PALLD: variants seen among roughly 807,000 people sequenced by gnomAD.
PALLD encodes the protein palladin, cytoskeletal associated protein, also known as palladin.
PALLD carries 61 observed loss-of-function variants against 123.5 expected under a neutral mutation model. The observed-to-expected ratio is 0.49, with a 90% CI of 0.40 to 0.61. The LOEUF is 0.61. Ranked by LOEUF, PALLD falls within the 20% of genes least tolerant of loss-of-function variation. The pLI, the probability that PALLD is intolerant of heterozygous loss-of-function variation, is 0.00. For missense variants in PALLD, 1,273 were observed against 1,377.0 expected (o/e 0.92, Z 1.20); for synonymous variants, 465 against 496.4 (o/e 0.94, Z 0.84).
At chr4:168,887,190 T>C (rs1753491526) in intron 10 of PALLD, among the ~76,000 whole-genome samples, 1 of 151,612 alleles carries the variant, frequency 6.6e-6, no homozygotes, top group African/African-American at 2.4e-5. Flanking sequence ...ATTGTAATTA[T>C]ACCCTTTGAA....
At chr4:168,628,662 G>T (rs771365664) in intron 2 of PALLD, among the ~76,000 whole-genome samples, 3 of 152,092 alleles carry the variant, frequency 2.0e-5, no homozygotes, top group Non-Finnish European at 2.9e-5. Context: ...TGGCCGCTCC[G>T]TTTTAAATTA....
chr4:168,600,939 A>C (rs1356801364), intron 2 of PALLD, among the ~76,000 whole-genome samples: 2 of 152,174 alleles, frequency 1.3e-5, no homozygotes, highest in African/African-American at 4.8e-5. Context: ...TGCAATGTCA[A>C]CTTTGCCTGG....
At chr4:168,777,183 C>T (rs1735282051) in intron 10 of PALLD, among the ~76,000 whole-genome samples, 1 of 152,070 alleles carries the variant, frequency 6.6e-6, no homozygotes, top group African/African-American at 2.4e-5. Flanking sequence ...GAGAGACAGG[C>T]CACAGGACTT....
Position 168,691,800 on chromosome 4 carries a change from A to T in PALLD, c.1501+508A>T, listed in dbSNP as rs927694652. Among the ~76,000 whole-genome samples the T allele has an allele frequency of 2.0e-5, 3 of 152,166 alleles. No individual in the cohort carries two copies. In the East Asian group the frequency reaches 5.8e-4, roughly 29 times the overall value. On this transcript the variant is annotated intron_variant, in intron 8 of 21. Transcript: ENST00000505667. The stretch of plus-strand genomic sequence containing the variant: ...TTTACTATTCTGCAAGCATGAAGAA[A>T]GTCATCTTGCCCCCAGATCACTCTT...
intron 2 of PALLD, among the ~76,000 whole-genome samples, chr4:168,552,813 C>T (rs1378633156): frequency 6.6e-6 from 1 of 151,984 alleles, no homozygotes; most frequent in African/African-American, 2.4e-5. Flanking sequence ...GTAGCTGAGA[C>T]TACAGGCGCG....
intron 2 of PALLD, among the ~76,000 whole-genome samples, chr4:168,659,348 T>C (rs1778911378): frequency 6.6e-6 from 1 of 152,204 alleles, no homozygotes; most frequent in African/African-American, 2.4e-5. Context: ...TATTATACCA[T>C]TACAGAAACT....
chr4:168,878,865 C>G (rs551248205), intron 10 of PALLD, among the ~76,000 whole-genome samples: 3 of 152,280 alleles, frequency 2.0e-5, no homozygotes, highest in Admixed American at 1.3e-4. Flanking sequence ...AATCCATGCT[C>G]TCACCACCAA....
intron 2 of PALLD, among the ~76,000 whole-genome samples, chr4:168,622,474 A>G (rs1440019208): frequency 1.3e-5 from 2 of 152,188 alleles, no homozygotes; most frequent in Admixed American, 6.5e-5. Flanking sequence ...AGAAGAAAAC[A>G]TTCTCCTGAA....
intron 8 of PALLD, among the ~76,000 whole-genome samples, chr4:168,693,398 T>C (rs867919325): frequency 6.6e-6 from 1 of 152,222 alleles, no homozygotes; most frequent in African/African-American, 2.4e-5. Context: ...CCTAAACAGC[T>C]TCATGGAATC....
chr4:168,670,238 T>A (rs1205204219), intron 3 of PALLD, among the ~76,000 whole-genome samples: 1 of 152,162 alleles, frequency 6.6e-6, no homozygotes, highest in East Asian at 1.9e-4. Flanking sequence ...ATATGATAAA[T>A]TTTGGGTTGT....
At chr4:168,719,152 C>T (rs995995182) in intron 10 of PALLD, among the ~76,000 whole-genome samples, 9 of 151,840 alleles carry the variant, frequency 5.9e-5, no homozygotes, top group African/African-American at 1.9e-4. Context: ...GTGACCCACC[C>T]GTCTTGTCCT....
chr4:168,918,190 CAAA>C (rs567095866), intron 17 of PALLD, among the ~76,000 whole-genome samples: 2 of 118,060 alleles, frequency 1.7e-5, no homozygotes, highest in Non-Finnish European at 1.8e-5. Context: ...GTCTCCCCCA[CAAA>C]AAAAAAAAAA....
intron 2 of PALLD, among the ~76,000 whole-genome samples, chr4:168,562,771 G>C (rs1328139876): frequency 6.6e-6 from 1 of 152,176 alleles, no homozygotes; most frequent in Non-Finnish European, 1.5e-5. Flanking sequence ...ATGGAGCCGT[G>C]TGGGGACTCT....
chr4:168,897,919 CCCTTG>C (rs1396623067), intron 13 of PALLD: 1 of 151,698 alleles, frequency 6.6e-6, no homozygotes, highest in Non-Finnish European at 1.5e-5. Context: ...GAGGAGGCGG[CCCTTG>C]CAAGGCAGGG....
chr4:168,913,328 G>A (rs1313467192), intron 15 of PALLD, among the ~76,000 whole-genome samples: 6 of 151,830 alleles, frequency 4.0e-5, no homozygotes, highest in South Asian at 2.1e-4. Context: ...TAGTAGAGAC[G>A]GGGTTTCACC....
chr4:168,824,196 G>A (rs1226678641), intron 10 of PALLD, among the ~76,000 whole-genome samples: 3 of 152,148 alleles, frequency 2.0e-5, no homozygotes, highest in Admixed American at 6.5e-5. Flanking sequence ...TATGGTTGCC[G>A]TATTTTCTTT....
chr4:168,554,907 A>G (rs1352136842), intron 2 of PALLD, among the ~76,000 whole-genome samples: 1 of 152,268 alleles, frequency 6.6e-6, no homozygotes, highest in African/African-American at 2.4e-5. Flanking sequence ...TATTTATACT[A>G]TTCATATTTA....
chr4:168,509,378 T>C (rs527424422), intron 1 of PALLD, among the ~76,000 whole-genome samples: 1 of 152,342 alleles, frequency 6.6e-6, no homozygotes, highest in African/African-American at 2.4e-5. Flanking sequence ...AATTGTTAAA[T>C]AAAAGCTCAA....
At chr4:168,816,929 C>T (rs2150772465) in intron 10 of PALLD, among the ~76,000 whole-genome samples, 1 of 149,794 alleles carries the variant, frequency 6.7e-6, no homozygotes, top group African/African-American at 2.5e-5. Context: ...GCAAGCTTGG[C>T]AGAATGTTTG....
Sources: gnomAD v4.1 joint callset for allele counts (sites outside exome capture counted in the v4.1 genomes callset) on GRCh38, gnomAD v4.1.1 for gene constraint, MANE v1.5 for transcripts, NCBI Gene and HGNC (gene_info 2026-07-23, HGNC 2026-07-21) for gene names.